The following NCOA2 variants were observed in gnomAD, a reference collection of about 807,000 sequenced individuals.
NCOA2 encodes the protein nuclear receptor coactivator 2.
NCOA2 carries 21 observed loss-of-function variants against 145.1 expected under a neutral mutation model. That is an observed-to-expected ratio of 0.14 (90% CI 0.10 to 0.21). The LOEUF is 0.21. NCOA2 is among the 10% of genes least tolerant of loss of function. The pLI is 1.00. For synonymous variants in NCOA2, 619 were observed against 637.5 expected (o/e 0.97, Z 0.44); for missense variants, 1,472 against 1,837.6 (o/e 0.80, Z 3.64).
chr8:70,170,872 A>G (rs774957911), intron 5 of NCOA2, among the ~76,000 whole-genome samples: 5 of 152,220 alleles, frequency 3.3e-5, no homozygotes, highest in Non-Finnish European at 7.3e-5. Flanking sequence ...TTTACCACCT[A>G]GCTGTCACGG....
chr8:70,152,300 G>A, intron 11 of NCOA2, among the ~76,000 whole-genome samples: 1 of 152,046 alleles, frequency 6.6e-6, no homozygotes, highest in South Asian at 2.1e-4. Flanking sequence ...TTCTCTGCAG[G>A]AAATATAAAA....
At chr8:70,351,511 C>G (rs1410453721) in intron 1 of NCOA2, among the ~76,000 whole-genome samples, 2 of 151,832 alleles carry the variant, frequency 1.3e-5, no homozygotes, top group Non-Finnish European at 2.9e-5. Flanking sequence ...TGAATATCAA[C>G]CAATTTCAAT....
At chr8:70,447,594 C>T in the NCOA2 span, among the ~76,000 whole-genome samples, 1 of 151,762 alleles carries the variant, frequency 6.6e-6, no homozygotes. Flanking sequence ...TTTTTTTTCT[C>T]CTAATCCCTG....
intron 2 of NCOA2, among the ~76,000 whole-genome samples, chr8:70,239,621 A>G (rs1257428059): frequency 6.6e-6 from 1 of 152,148 alleles, no homozygotes; most frequent in Non-Finnish European, 1.5e-5. Context: ...CACTTGATTC[A>G]GGTATCCAAT....
rs1812222172 is a variant in NCOA2, at chr8:70,155,851, G to A, written c.2394+120C>T. 12 of 783,528 alleles carry A rather than the reference G, an allele frequency of 1.5e-5. No individual in the cohort carries two copies. The South Asian group carries it at 2.6e-4, about 17-fold the overall frequency. The allele number at this position is 783,528 out of a possible 1,614,324, so 48.5% of individuals were successfully genotyped here. A position where few individuals can be genotyped will look rare whatever the true frequency, so the allele number is the denominator to read the frequency against. Reference sequence around the variant, plus strand: ...AGCTTCAGCGAGATTTTCAAGATAAGAACAACAAAGGAGAAAGCTTATTTT... The same window carrying A: ...AGCTTCAGCGAGATTTTCAAGATAAAAACAACAAAGGAGAAAGCTTATTTT... On this transcript the variant is annotated intron_variant, in intron 11 of 22. Transcript: ENST00000452400.
At chr8:70,122,520 T>A (rs1172612783) in intron 21 of NCOA2, among the ~76,000 whole-genome samples, 1 of 152,118 alleles carries the variant, frequency 6.6e-6, no homozygotes, top group Non-Finnish European at 1.5e-5. Flanking sequence ...GCCTCCTGAA[T>A]AGCTGGGATT....
At chr8:70,256,090 T>C (rs989763486) in intron 2 of NCOA2, among the ~76,000 whole-genome samples, 2 of 152,148 alleles carry the variant, frequency 1.3e-5, no homozygotes, top group Admixed American at 1.3e-4. Flanking sequence ...AGAGACACAT[T>C]TAAGGATATG....
chr8:70,216,885 A>AAC (rs3830688), intron 2 of NCOA2, 121 bp from the exon 3 acceptor site: 533,843 of 619,970 alleles, frequency 0.86, 233,501 homozygotes, highest in African/African-American at 0.95. Context: ...ACCAGTAATT[A>AAC]ACATTGTTTT....
intron 1 of NCOA2, among the ~76,000 whole-genome samples, chr8:70,332,396 ATATAT>A (rs773601214): frequency 2.0e-5 from 3 of 152,160 alleles, no homozygotes; most frequent in Non-Finnish European, 2.9e-5. Context: ...CAATACTACA[ATATAT>A]TATAATATGA....
chr8:70,254,781 T>C (rs1464722728), intron 2 of NCOA2, among the ~76,000 whole-genome samples: 1 of 152,094 alleles, frequency 6.6e-6, no homozygotes, highest in East Asian at 1.9e-4. Flanking sequence ...ATTGTGAAGA[T>C]GGATGTTGTT....
At chr8:70,360,556 T>C (rs80345915) in intron 1 of NCOA2, among the ~76,000 whole-genome samples, 4,896 of 152,202 alleles carry the variant, frequency 0.032, 255 homozygotes, top group African/African-American at 0.11. Flanking sequence ...GAGAGTTTCT[T>C]GCAATACACC....
At chr8:70,392,048 T>G (rs1813259231) in intron 1 of NCOA2, among the ~76,000 whole-genome samples, 1 of 152,186 alleles carries the variant, frequency 6.6e-6, no homozygotes, top group African/African-American at 2.4e-5. Context: ...TTAAAAACAT[T>G]TATAGCAAAA....
chr8:70,164,462 ATTAT>A (rs1314268953), intron 7 of NCOA2, among the ~76,000 whole-genome samples: 1 of 152,120 alleles, frequency 6.6e-6, no homozygotes, highest in Non-Finnish European at 1.5e-5. Flanking sequence ...CAAAGAGTTT[ATTAT>A]TTTTCTTTGC....
chr8:70,207,006 TG>T (rs1818507011), intron 4 of NCOA2, among the ~76,000 whole-genome samples: 1 of 152,216 alleles, frequency 6.6e-6, no homozygotes, highest in South Asian at 2.1e-4. Context: ...CACAGCTAGT[TG>T]TCTGAAAGCT....
Position 70,128,443 on chromosome 8 carries a change from A to G in NCOA2, c.3671T>C (p.Val1224Ala), listed in dbSNP as rs1246896697. ...SNVNLTLRPG[V>A]PTQAPINAQM... ...GGTATGTTGCCTTACCTGTGTTGGT[A>G]CTCCAGGCCTCAGAGTCAAGTTCAC... The change falls in exon 18 of 23, where the codon GTA (valine) becomes GCA (alanine). Residue 1224 changes from valine (V) to alanine (A), a missense_variant. By Grantham distance (64) the Val-to-Ala change is moderately conservative (BLOSUM62 0). This residue lies in a region of NCOA2 where 953 missense variants were observed against 1,062.1 expected (regional missense o/e 0.90). Coordinates refer to ENST00000452400, the MANE Select transcript of NCOA2 (RefSeq NM_006540.4). 9.9e-6 allele frequency: 16 copies of G among 1,612,142 alleles called. No homozygotes were observed. In the East Asian group the frequency reaches 3.6e-4, roughly 36 times the overall value.
intron 4 of NCOA2, among the ~76,000 whole-genome samples, chr8:70,192,412 C>A (rs1379892948): frequency 6.6e-6 from 1 of 152,168 alleles, no homozygotes; most frequent in Non-Finnish European, 1.5e-5. Flanking sequence ...GGAACTTTGC[C>A]AGAGTCTTAG....
chr8:70,390,846 T>C lies in NCOA2; in HGVS notation c.-77+12854A>G, dbSNP rs1415863957. Among the ~76,000 whole-genome samples the C allele has an allele frequency of 9.9e-5, 15 of 152,186 alleles. 1 individual carries two copies. The highest frequency in any genetic ancestry group is 3.6e-4 in the African/African-American group (15 of 41,448). On this transcript the variant is annotated intron_variant, in intron 1 of 22. Coordinates refer to ENST00000452400, the MANE Select transcript of NCOA2 (RefSeq NM_006540.4). ...ATATGAAGAATATTACTACTACTAC[T>C]TCTCCACTGGATTAGGTGAGTGAGA...
chr8:70,442,870 G>A, the NCOA2 span, among the ~76,000 whole-genome samples: 2 of 152,158 alleles, frequency 1.3e-5, no homozygotes, highest in Non-Finnish European at 2.9e-5. Flanking sequence ...CTTCTGATCA[G>A]AGATAGGATT....
chr8:70,247,987 T>C (rs986205545), intron 2 of NCOA2, among the ~76,000 whole-genome samples: 6 of 152,350 alleles, frequency 3.9e-5, no homozygotes, highest in Admixed American at 3.9e-4. Context: ...ACTCTCCTCC[T>C]GAGTGCAGAA....
Sources: allele counts gnomAD v4.1 joint callset (sites outside exome capture counted in the v4.1 genomes callset), GRCh38; gene constraint gnomAD v4.1.1; regional missense constraint gnomAD v4.1.1; transcripts MANE v1.5; gene names NCBI Gene and HGNC (gene_info 2026-07-23, HGNC 2026-07-21).